The following TACC2 variants were observed in gnomAD, a reference collection of about 807,000 sequenced individuals.
TACC2 encodes transforming acidic coiled-coil containing protein 2.
TACC2 carries 137 observed loss-of-function variants against 227.3 expected under a neutral mutation model. The observed-to-expected ratio is 0.60, with a 90% CI of 0.52 to 0.69. The LOEUF is 0.69. TACC2 is among the 30% of genes least tolerant of loss of function. The pLI is 0.00. For missense variants in TACC2, 3,470 were observed against 3,694.4 expected (o/e 0.94, Z 1.57); for synonymous variants, 1,523 against 1,487.5 (o/e 1.02, Z -0.55).
At chr10:122,131,482 C>T (rs1308695668) in intron 5 of TACC2, among the ~76,000 whole-genome samples, 2 of 152,198 alleles carry the variant, frequency 1.3e-5, no homozygotes, top group Non-Finnish European at 2.9e-5. Flanking sequence ...CAGACTCTTT[C>T]AGTCCATAAA....
intron 11 of TACC2, among the ~76,000 whole-genome samples, chr10:122,222,085 C>T (rs75334580): frequency 0.022 from 3,426 of 152,296 alleles, 158 homozygotes; most frequent in East Asian, 0.21. Context: ...TTAGCAAGGA[C>T]CATCTCCTCC....
chr10:122,090,403 T>C (rs1228790905), intron 5 of TACC2, among the ~76,000 whole-genome samples: 5 of 150,942 alleles, frequency 3.3e-5, no homozygotes, highest in Non-Finnish European at 7.4e-5. Context: ...AAAAATTAGC[T>C]GGGTGTGGTG....
intron 7 of TACC2, among the ~76,000 whole-genome samples, chr10:122,174,283 C>A (rs185635955): frequency 6.6e-6 from 1 of 152,196 alleles, no homozygotes; most frequent in Non-Finnish European, 1.5e-5. Flanking sequence ...CCTTAGCCAG[C>A]GATCTCTGCT....
chr10:122,124,082 G>T (rs1010297096), intron 5 of TACC2, among the ~76,000 whole-genome samples: 1 of 152,098 alleles, frequency 6.6e-6, no homozygotes, highest in Non-Finnish European at 1.5e-5. Context: ...AAAGTGCTGC[G>T]ATTATAGTCA....
intron 13 of TACC2, among the ~76,000 whole-genome samples, chr10:122,226,950 C>A (rs1377974864): frequency 6.6e-6 from 1 of 152,162 alleles, no homozygotes; most frequent in Admixed American, 6.5e-5. Context: ...CCACCTGTAC[C>A]CCCTCCTGGT....
At position 122,086,275 on chromosome 10, in the gene TACC2, G is replaced by A. The variant is rs1178675975; in HGVS notation, c.3775G>A (p.Ala1259Thr). 6.2e-7 allele frequency: 1 copy of A among 1,613,898 alleles called. No individual in the cohort carries two copies. Among genetic ancestry groups the A allele is most frequent in the African/African-American group, 1.3e-5 (1 of 74,942 alleles). Residue 1259 changes from alanine to threonine, a missense_variant, in exon 4 of 23, where the codon GCA becomes ACA. Ala to Thr is a moderately conservative substitution (Grantham distance 58). This residue lies in a region of TACC2 where 1,924 missense variants were observed against 1,978.3 expected (regional missense o/e 0.97). Coordinates refer to ENST00000369005, the MANE Select transcript of TACC2 (RefSeq NM_206862.4). ...CAGTGGAGTGAAAGCTGTTTCCTCT[G>A]CAGACCCCAGAGCTCCTGGCGAAAG... ...EDSGVKAVSS[A>T]DPRAPGESPC...
chr10:122,065,162 G>A (rs2077249364), intron 3 of TACC2, among the ~76,000 whole-genome samples: 1 of 152,166 alleles, frequency 6.6e-6, no homozygotes, highest in Non-Finnish European at 1.5e-5. Flanking sequence ...GTACAGTTCA[G>A]TAGTATTAGG....
chr10:122,246,191 G>A (rs1396845796), intron 19 of TACC2, among the ~76,000 whole-genome samples: 2 of 152,174 alleles, frequency 1.3e-5, no homozygotes, highest in Non-Finnish European at 2.9e-5. Flanking sequence ...CTAATCTCAC[G>A]CCGTGGGGTG....
intron 3 of TACC2, among the ~76,000 whole-genome samples, chr10:122,073,127 ATAT>A (rs1181866666): frequency 7.1e-4 from 36 of 50,588 alleles, no homozygotes; most frequent in Admixed American, 1.4e-3. Context: ...AAAAAAAAAA[ATAT>A]ATATATATAT....
chr10:122,084,798 G>T lies in TACC2; in HGVS notation c.2298G>T (p.Ala766=). 1.2e-6 allele frequency: 2 copies of T among 1,613,668 alleles called. No individual in the cohort carries two copies. Among genetic ancestry groups the T allele is most frequent in the Non-Finnish European group, 1.7e-6 (2 of 1,180,042 alleles). The change falls in exon 4 of 23, where the codon GCG becomes GCT. Residue 766 remains alanine (A), a synonymous_variant. Transcript: ENST00000369005. The part of the protein sequence containing the change: ...LTSPDQPRGP[A]CDASRQEFHA... ...CCCCAGATCAACCCCGCGGGCCGGCGTGTGATGCGTCGAGACAGGAATTTC... is the reference window on the plus strand; with the variant it reads ...CCCCAGATCAACCCCGCGGGCCGGCTTGTGATGCGTCGAGACAGGAATTTC...
At chr10:122,067,630 C>A (rs1486941931) in intron 3 of TACC2, among the ~76,000 whole-genome samples, 3 of 152,070 alleles carry the variant, frequency 2.0e-5, no homozygotes, top group East Asian at 3.9e-4. Context: ...CCTCAGCCCC[C>A]CAAGTAGCTG....
intron 7 of TACC2, among the ~76,000 whole-genome samples, chr10:122,157,608 C>A (rs1453219402): frequency 6.6e-6 from 1 of 151,888 alleles, no homozygotes; most frequent in Non-Finnish European, 1.5e-5. Context: ...AAACTTAGAG[C>A]CAGACTTGTA....
At chr10:122,248,373 C>A (rs2096176385) in intron 19 of TACC2, 1 of 449,930 alleles carries the variant, frequency 2.2e-6, no homozygotes, top group African/African-American at 2.0e-5. Context: ...TGTGAAGGGG[C>A]CGTACTGATC....
intron 5 of TACC2, among the ~76,000 whole-genome samples, chr10:122,089,399 C>T (rs967888374): frequency 1.8e-4 from 28 of 152,206 alleles, no homozygotes; most frequent in East Asian, 1.2e-3. Context: ...TCACCAACAG[C>T]GGTCACACTC....
intron 3 of TACC2, among the ~76,000 whole-genome samples, chr10:122,061,636 G>T (rs2076834647): frequency 6.6e-6 from 1 of 152,152 alleles, no homozygotes. Context: ...CTTTTTAGGG[G>T]GTCGGTGTCT....
chr10:122,162,864 C>T (rs2092907239), intron 7 of TACC2, among the ~76,000 whole-genome samples: 1 of 152,142 alleles, frequency 6.6e-6, no homozygotes, highest in Non-Finnish European at 1.5e-5. Flanking sequence ...TACACGCATG[C>T]TGCATTAGGG....
intron 3 of TACC2, among the ~76,000 whole-genome samples, chr10:122,069,650 A>G (rs902587092): frequency 1.1e-4 from 17 of 152,102 alleles, no homozygotes; most frequent in Non-Finnish European, 1.5e-5. Context: ...AATTCCTCAT[A>G]TGACGTTTTC....
intron 5 of TACC2, among the ~76,000 whole-genome samples, chr10:122,113,530 C>G (rs1300865538): frequency 6.6e-6 from 1 of 152,160 alleles, no homozygotes. Flanking sequence ...CTGGGATTCC[C>G]GCTCGCGGTT....
chr10:122,093,108 T>C (rs1254791728), intron 5 of TACC2, among the ~76,000 whole-genome samples: 1 of 152,196 alleles, frequency 6.6e-6, no homozygotes, highest in Non-Finnish European at 1.5e-5. Context: ...TTTTTTTTTT[T>C]TTTCCATTTA....
Sources: allele counts gnomAD v4.1 joint callset (sites outside exome capture counted in the v4.1 genomes callset), GRCh38; gene constraint gnomAD v4.1.1; regional missense constraint gnomAD v4.1.1; transcripts MANE v1.5; gene names NCBI Gene and HGNC (gene_info 2026-07-23, HGNC 2026-07-21).